TFAP2B: variants seen among roughly 807,000 people sequenced by gnomAD.
TFAP2B encodes transcription factor AP-2-beta.
TFAP2B carries 9 observed loss-of-function variants against 44.3 expected under a neutral mutation model. The observed-to-expected ratio is 0.20, with a 90% CI of 0.12 to 0.35. The LOEUF is 0.35. Ranked by LOEUF, TFAP2B falls within the 10% of genes least tolerant of loss-of-function variation. The probability of loss-of-function intolerance (pLI) is 1.00; values close to 1 mark genes in which losing one functional copy is unlikely to be tolerated. For missense variants in TFAP2B, 509 were observed against 600.0 expected (o/e 0.85, Z 1.59); for synonymous variants, 270 against 263.8 (o/e 1.02, Z -0.23).
intron 6 of TFAP2B, among the ~76,000 whole-genome samples, chr6:50,841,537 T>C (rs564421657): frequency 2.0e-5 from 3 of 152,228 alleles, no homozygotes; most frequent in South Asian, 4.2e-4. Context: ...CAAATGACTC[T>C]CATTTCTCTA....
Position 50,846,643 on chromosome 6 carries a change from C to G in TFAP2B, c.*3251C>G, listed in dbSNP as rs968749740. On this transcript the variant is annotated 3_prime_UTR_variant, in exon 7 of 7. Transcript: ENST00000393655. ...ATCTCCAGACCATTCTCTGCCAAAC[C>G]CTGCCGCCTCCTGCACGTATTGCAG... The G allele has an allele frequency of 6.6e-6, 1 of 152,192 alleles. No homozygotes were observed. The highest frequency in any genetic ancestry group is 1.5e-5 in the Non-Finnish European group (1 of 68,048). The allele number at this position is 152,192 out of a possible 1,614,324, so 9.4% of individuals were successfully genotyped here.
At chr6:50,832,384 C>T (rs1762528269) in intron 3 of TFAP2B, among the ~76,000 whole-genome samples, 1 of 152,124 alleles carries the variant, frequency 6.6e-6, no homozygotes, top group Non-Finnish European at 1.5e-5. Context: ...CTATAAGATG[C>T]CAATACTGGA....
intron 1 of TFAP2B, among the ~76,000 whole-genome samples, chr6:50,820,476 G>A (rs1770310570): frequency 6.6e-6 from 1 of 152,270 alleles, no homozygotes; most frequent in Non-Finnish European, 1.5e-5. Context: ...AGGAGAGGGA[G>A]AAAAGCAGGA....
intron 1 of TFAP2B, among the ~76,000 whole-genome samples, chr6:50,821,381 C>G (rs1770340761): frequency 6.6e-6 from 1 of 152,208 alleles, no homozygotes; most frequent in Non-Finnish European, 1.5e-5. Flanking sequence ...CTCTCGCCTC[C>G]AAATGATGAA....
chr6:50,823,814 T>A lies in TFAP2B; in HGVS notation c.489T>A (p.Gly163=). Residue 163 remains glycine, a synonymous_variant, in exon 2 of 7, where the codon GGT becomes GGA. Coordinates refer to ENST00000393655, the MANE Select transcript of TFAP2B (RefSeq NM_003221.4). ...SAHHGLDAGM[G]DSLSLHGLGH... is the part of the protein sequence containing the mutation. Reference sequence around the variant, plus strand: ...ACCACGGCCTGGACGCGGGCATGGGTGACAGCCTCTCGCTGCACGGCCTCG... The same window carrying A: ...ACCACGGCCTGGACGCGGGCATGGGAGACAGCCTCTCGCTGCACGGCCTCG... The A allele has an allele frequency of 6.4e-7, 1 of 1,574,126 alleles. No individual in the cohort carries two copies. Among genetic ancestry groups the A allele is most frequent in the Non-Finnish European group, 8.6e-7 (1 of 1,159,972 alleles).
Position 50,823,771 on chromosome 6 carries a change from T to G in TFAP2B, c.446T>G (p.Val149Gly). The stretch of plus-strand genomic sequence containing the variant: ...TACCACTCGGTCCGCCGGCCGGACG[T>G]GCTGCTGCATTCGGCGCACCACGGC... ...RDYHSVRRPD[V>G]LLHSAHHGLD... The change falls in exon 2 of 7, where the codon GTG (valine) becomes GGG (glycine). Residue 149 changes from valine to glycine, a missense_variant. Val to Gly is a moderately radical substitution (Grantham distance 109). Around this residue, in one of 3 missense-constraint regions of TFAP2B, gnomAD observed 296 missense variants for 308.2 expected, o/e 0.96. Coordinates refer to ENST00000393655, the MANE Select transcript of TFAP2B (RefSeq NM_003221.4). The G allele has an allele frequency of 6.3e-7, 1 of 1,597,768 alleles. No homozygotes were observed. Among genetic ancestry groups the G allele is most frequent in the East Asian group, 2.3e-5 (1 of 44,076 alleles).
chr6:50,818,983 A>G lies in TFAP2B; in HGVS notation c.81+11A>G. The G allele has an allele frequency of 4.3e-6, 7 of 1,612,282 alleles. No individual in the cohort carries two copies. The highest frequency in any genetic ancestry group is 5.9e-6 in the Non-Finnish European group (7 of 1,178,526). On this transcript the variant is annotated intron_variant, in intron 1 of 6. Coordinates refer to ENST00000393655, the MANE Select transcript of TFAP2B (RefSeq NM_003221.4). ...GAAGATATCTATGAGGTGAGTCGAC[A>G]CCCCCAGATGCACCTTAGAGCTTTG...
At chr6:50,839,993 T>C (rs933070932) in intron 5 of TFAP2B, among the ~76,000 whole-genome samples, 163 bp from the exon 6 acceptor site, 3 of 152,202 alleles carry the variant, frequency 2.0e-5, no homozygotes, top group African/African-American at 7.2e-5. Context: ...ATTTTAATTA[T>C]AGCTTGAGAA....
intron 3 of TFAP2B, among the ~76,000 whole-genome samples, chr6:50,829,933 G>A (rs1770629594): frequency 6.6e-6 from 1 of 150,808 alleles, no homozygotes; most frequent in Non-Finnish European, 1.5e-5. Flanking sequence ...ATTTATTTTA[G>A]TGGTTGCTTC....
At chr6:50,840,076 A>T in intron 5 of TFAP2B, 80 bp from the exon 6 acceptor site, 1 of 1,584,598 alleles carries the variant, frequency 6.3e-7, no homozygotes, top group Non-Finnish European at 8.6e-7. Context: ...AATACTAACA[A>T]AGCTGACAAG....
chr6:50,819,805 C>A (rs905444098), intron 1 of TFAP2B, among the ~76,000 whole-genome samples: 1 of 152,136 alleles, frequency 6.6e-6, no homozygotes, highest in Non-Finnish European at 1.5e-5. Flanking sequence ...CCGCTACTCG[C>A]GGGCGAGGCG....
chr6:50,833,423 G>A (rs1039928612), intron 3 of TFAP2B, among the ~76,000 whole-genome samples: 1 of 152,144 alleles, frequency 6.6e-6, no homozygotes, highest in Non-Finnish European at 1.5e-5. Context: ...AGAACATGAG[G>A]ATAGGAGGCT....
chr6:50,833,256 G>T (rs1241055825), intron 3 of TFAP2B, among the ~76,000 whole-genome samples: 1 of 152,172 alleles, frequency 6.6e-6, no homozygotes, highest in Non-Finnish European at 1.5e-5. Context: ...GAAGGGAAAA[G>T]ACAAAGAAAG....
intron 1 of TFAP2B, 74 bp from the exon 2 acceptor site, chr6:50,823,329 CTCTG>C (rs1159406246): frequency 1.6e-6 from 2 of 1,271,972 alleles, no homozygotes; most frequent in African/African-American, 1.5e-5. Context: ...TCTCTGTACT[CTCTG>C]TCTCTCTCTG....
intron 3 of TFAP2B, among the ~76,000 whole-genome samples, chr6:50,831,473 T>A (rs1006330569): frequency 6.6e-6 from 1 of 152,058 alleles, no homozygotes; most frequent in South Asian, 2.1e-4. Flanking sequence ...GGGGGAGTAA[T>A]GAAAGGTGCT....
At chr6:50,821,205 T>C (rs1022056355) in intron 1 of TFAP2B, among the ~76,000 whole-genome samples, 1 of 152,208 alleles carries the variant, frequency 6.6e-6, no homozygotes, top group African/African-American at 2.4e-5. Flanking sequence ...ATGTTTTAAA[T>C]TGAGGTAAAA....
rs1561968435 is a variant in TFAP2B, at chr6:50,844,301, A to AC, written c.*909_*910insC. ...TTTATGAACTATAGTAAAAAAAAAA[A>AC]AACACACACACACACAATATGAATA... is the stretch of plus-strand genomic sequence containing the variant. On this transcript the variant is annotated 3_prime_UTR_variant, in exon 7 of 7. Transcript: ENST00000393655. 2,850 of 68,552 alleles carry AC rather than the reference A, an allele frequency of 0.042. 55 individuals carry two copies. Among genetic ancestry groups the AC allele is most frequent in the East Asian group, 0.21 (225 of 1,096 alleles). 4.2% of individuals were successfully genotyped at this position (68,552 alleles called of 1,614,324 possible).
In TFAP2B at chr6:50,843,375, G is replaced by A; in HGVS notation, c.1366G>A (p.Glu456Lys). Residue 456 changes from glutamate (E) to lysine (K), a missense_variant, in exon 7 of 7, where the codon GAG becomes AAG. This residue lies in a region of TFAP2B where 168 missense variants were observed against 183.2 expected (regional missense o/e 0.92). Transcript: ENST00000393655. The part of the protein sequence containing the change: ...GPGSKTGDKE[E>K]KHRK ...AGGTAGTAAAACTGGCGACAAGGAG[G>A]AGAAACACAGGAAATGAAAAATTTT... 6.2e-7 allele frequency: 1 copy of A among 1,613,838 alleles called. No individual in the cohort carries two copies. The highest frequency in any genetic ancestry group is 8.5e-7 in the Non-Finnish European group (1 of 1,179,974).
chr6:50,838,187 G>A (rs1322767655), intron 5 of TFAP2B, 94 bp downstream of exon 5: 13 of 1,020,912 alleles, frequency 1.3e-5, no homozygotes, highest in Admixed American at 8.5e-5. Context: ...ACTGGAAATC[G>A]TTGTGATTGT....
Sources: gnomAD v4.1 joint callset for allele counts (sites outside exome capture counted in the v4.1 genomes callset) on GRCh38, gnomAD v4.1.1 for gene constraint, gnomAD v4.1.1 regional missense constraint, MANE v1.5 for transcripts, NCBI Gene and HGNC (gene_info 2026-07-23, HGNC 2026-07-21) for gene names.